Variants in ADK observed in about 807,000 individuals in gnomAD.
ADK encodes adenosine kinase.
Under a neutral mutation model 44.7 loss-of-function variants are expected in ADK, and 24 were observed. The observed-to-expected ratio is 0.54, with a 90% CI of 0.39 to 0.76. The LOEUF (loss-of-function observed/expected upper bound fraction) is 0.76, where lower values mean the gene tolerates loss of function less well. Ranked by LOEUF, ADK falls within the 30% of genes least tolerant of loss-of-function variation. The pLI is 0.00. For synonymous variants in ADK, 128 were observed against 142.6 expected (o/e 0.90, Z 0.73); for missense variants, 321 against 425.1 (o/e 0.76, Z 2.15).
At chr10:74,259,057 T>A (rs1845939431) in intron 3 of ADK, among the ~76,000 whole-genome samples, 1 of 150,398 alleles carries the variant, frequency 6.6e-6, no homozygotes, top group Admixed American at 6.6e-5. Flanking sequence ...GTTCAAGCGA[T>A]TCTCGTGCCT....
At chr10:74,310,626 T>C (rs1391302438) in intron 3 of ADK, among the ~76,000 whole-genome samples, 4 of 152,178 alleles carry the variant, frequency 2.6e-5, no homozygotes, top group Non-Finnish European at 4.4e-5. Flanking sequence ...CTCTGTCCAG[T>C]GTTATCATCA....
intron 4 of ADK, among the ~76,000 whole-genome samples, chr10:74,357,598 G>A (rs541088340): frequency 6.6e-6 from 1 of 151,876 alleles, no homozygotes; most frequent in East Asian, 1.9e-4. Flanking sequence ...ACCATGCCTA[G>A]CCCTTTGTGA....
At chr10:74,153,189 A>G (rs1340854196) in intron 1 of ADK, among the ~76,000 whole-genome samples, 1 of 152,214 alleles carries the variant, frequency 6.6e-6, no homozygotes, top group Non-Finnish European at 1.5e-5. Flanking sequence ...AAAAATATTT[A>G]GATTTAGGGA....
chr10:74,293,148 T>C (rs965367445), intron 3 of ADK, among the ~76,000 whole-genome samples: 2 of 113,554 alleles, frequency 1.8e-5, no homozygotes, highest in South Asian at 2.8e-4. Flanking sequence ...CCCCCGTGAC[T>C]GATTGAAACC....
intron 4 of ADK, among the ~76,000 whole-genome samples, chr10:74,321,188 A>G (rs1840795721): frequency 6.6e-6 from 1 of 152,162 alleles, no homozygotes; most frequent in Non-Finnish European, 1.5e-5. Context: ...AATTTTAAAT[A>G]CCATCTTATC....
At chr10:74,325,765 TCA>T (rs1036473401) in intron 4 of ADK, among the ~76,000 whole-genome samples, 4 of 152,218 alleles carry the variant, frequency 2.6e-5, no homozygotes, top group Non-Finnish European at 4.4e-5. Flanking sequence ...ATGTGATATA[TCA>T]CAGTTATTGA....
intron 1 of ADK, among the ~76,000 whole-genome samples, chr10:74,181,158 A>G (rs904069721): frequency 2.6e-5 from 4 of 152,216 alleles, no homozygotes; most frequent in Non-Finnish European, 5.9e-5. Flanking sequence ...ATCTTGAACT[A>G]GATATGAGAT....
chr10:74,688,677 G>A (rs1242475520), intron 10 of ADK, among the ~76,000 whole-genome samples: 1 of 152,154 alleles, frequency 6.6e-6, no homozygotes, highest in Non-Finnish European at 1.5e-5. Flanking sequence ...CACTTTAAGA[G>A]GCTGAGGTGA....
chr10:74,466,730 G>A (rs913762400), intron 6 of ADK, among the ~76,000 whole-genome samples: 1 of 152,126 alleles, frequency 6.6e-6, no homozygotes, highest in African/African-American at 2.4e-5. Context: ...TAAAGTTGCT[G>A]ATTTTTGCAA....
intron 3 of ADK, among the ~76,000 whole-genome samples, chr10:74,224,913 G>A (rs1844472101): frequency 6.6e-6 from 1 of 152,046 alleles, no homozygotes; most frequent in Non-Finnish European, 1.5e-5. Flanking sequence ...CTTTCTGACT[G>A]CTCTACCAGA....
At chr10:74,338,335 G>A (rs1366757802) in intron 4 of ADK, among the ~76,000 whole-genome samples, 1 of 152,118 alleles carries the variant, frequency 6.6e-6, no homozygotes, top group Non-Finnish European at 1.5e-5. Flanking sequence ...AAATGACACA[G>A]CCACTCTGGA....
intron 5 of ADK, among the ~76,000 whole-genome samples, chr10:74,395,877 G>C (rs1337723199): frequency 6.6e-6 from 1 of 152,030 alleles, no homozygotes; most frequent in African/African-American, 2.4e-5. Flanking sequence ...AAATTAGCCA[G>C]GTGTGCACCT....
chr10:74,389,274 A>G (rs1843258207), intron 4 of ADK, among the ~76,000 whole-genome samples: 1 of 152,206 alleles, frequency 6.6e-6, no homozygotes, highest in Non-Finnish European at 1.5e-5. Flanking sequence ...TCCATCCTGG[A>G]GAATCAAAAT....
intron 6 of ADK, among the ~76,000 whole-genome samples, chr10:74,469,574 G>A (rs555715179): frequency 6.6e-6 from 1 of 152,170 alleles, no homozygotes; most frequent in South Asian, 2.1e-4. Flanking sequence ...ATGTTGCCCA[G>A]GCTGTTCTCA....
chr10:74,356,907 T>TC (rs1412000035), intron 4 of ADK, among the ~76,000 whole-genome samples: 2 of 152,126 alleles, frequency 1.3e-5, no homozygotes, highest in African/African-American at 4.8e-5. Context: ...CCTGGAGACG[T>TC]CCAAGGATAA....
At chr10:74,293,165 CAAAAAAAAAAAAAAAA>C (rs59635944) in intron 3 of ADK, among the ~76,000 whole-genome samples, 4 of 79,114 alleles carry the variant, frequency 5.1e-5, no homozygotes, top group African/African-American at 2.2e-4. Flanking sequence ...AACCCTGTCT[CAAAAAAAAAAAAAAAA>C]AAAAAAAAAA....
chr10:74,511,780 G>T (rs1208539174), intron 6 of ADK, among the ~76,000 whole-genome samples: 2 of 152,020 alleles, frequency 1.3e-5, no homozygotes, highest in Non-Finnish European at 2.9e-5. Flanking sequence ...TCTCAATTTT[G>T]ATATGGTTTA....
At chr10:74,460,099 T>C (rs199671933) in intron 6 of ADK, among the ~76,000 whole-genome samples, 1 of 152,210 alleles carries the variant, frequency 6.6e-6, no homozygotes, top group African/African-American at 2.4e-5. Context: ...TATCCAACTG[T>C]TTCTCGGCTC....
At chr10:74,390,944 T>A (rs796341910) in intron 4 of ADK, among the ~76,000 whole-genome samples, 13 of 152,244 alleles carry the variant, frequency 8.5e-5, no homozygotes, top group African/African-American at 2.9e-4. Context: ...TCCCTCAGAT[T>A]TTTTGCTTAG....
Sources: allele counts gnomAD v4.1 joint callset (sites outside exome capture counted in the v4.1 genomes callset), GRCh38; gene constraint gnomAD v4.1.1; transcripts MANE v1.5; gene names NCBI Gene and HGNC (gene_info 2026-07-23, HGNC 2026-07-21).